Variants in FHIT observed in about 807,000 individuals in gnomAD.
FHIT encodes the protein bis(5'-adenosyl)-triphosphatase.
Under a neutral mutation model 17.9 loss-of-function variants are expected in FHIT, and 19 were observed. The observed-to-expected ratio is 1.06, with a 90% CI of 0.74 to 1.56. The LOEUF (loss-of-function observed/expected upper bound fraction) is 1.56, where lower values mean the gene tolerates loss of function less well. Among genes scored for constraint, FHIT ranks in the 40% most tolerant of loss-of-function variants. The pLI, the probability that FHIT is intolerant of heterozygous loss-of-function variation, is 0.00. For synonymous variants in FHIT, 81 were observed against 69.7 expected (o/e 1.16, Z -0.81); for missense variants, 248 against 189.2 (o/e 1.31, Z -1.82).
Position 61,051,276 on chromosome 3 carries a change from T to A in FHIT, c.-163-9177A>T, listed in dbSNP as rs535082678. Among the ~76,000 whole-genome samples, 11 of 152,104 alleles carry A rather than the reference T, an allele frequency of 7.2e-5. No individual in the cohort carries two copies. The South Asian group carries it at 2.3e-3, about 32-fold the overall frequency. Reference sequence around the variant, plus strand: ...GTTTGTTTGTTTGTTTGTTTGTTTGTTTGTTTGTTTTTGAGACAGGGTCTC... The same window carrying A: ...GTTTGTTTGTTTGTTTGTTTGTTTGATTGTTTGTTTTTGAGACAGGGTCTC... On this transcript the variant is annotated intron_variant, in intron 2 of 9. Transcript: ENST00000492590.
intron 2 of FHIT, among the ~76,000 whole-genome samples, chr3:61,156,294 C>A (rs1031108502): frequency 2.0e-5 from 3 of 152,034 alleles, no homozygotes; most frequent in African/African-American, 7.2e-5. Flanking sequence ...GGTCTTGGAA[C>A]CCCTAACTCA....
chr3:61,208,160 T>C (rs1362579484), intron 1 of FHIT, among the ~76,000 whole-genome samples: 1 of 152,234 alleles, frequency 6.6e-6, no homozygotes, highest in Non-Finnish European at 1.5e-5. Context: ...TCTAGTTTGA[T>C]TGCACTGTGG....
chr3:60,487,808 A>G (rs2033904302), intron 5 of FHIT, among the ~76,000 whole-genome samples: 1 of 152,186 alleles, frequency 6.6e-6, no homozygotes, highest in South Asian at 2.1e-4. Flanking sequence ...TCACCTATTT[A>G]TACAGCAATC....
At chr3:60,748,616 A>G (rs1214875617) in intron 4 of FHIT, among the ~76,000 whole-genome samples, 1 of 152,318 alleles carries the variant, frequency 6.6e-6, no homozygotes, top group African/African-American at 2.4e-5. Context: ...GTTCAAGACC[A>G]GCCTGGCCAA....
intron 2 of FHIT, among the ~76,000 whole-genome samples, chr3:61,131,298 T>C (rs1224436883): frequency 1.3e-5 from 2 of 152,252 alleles, no homozygotes; most frequent in Non-Finnish European, 2.9e-5. Flanking sequence ...TCTTAGCAAC[T>C]ACTAATTTTC....
intron 5 of FHIT, among the ~76,000 whole-genome samples, chr3:60,251,432 T>C (rs1705706063): frequency 1.3e-5 from 2 of 152,158 alleles, no homozygotes; most frequent in South Asian, 4.1e-4. Flanking sequence ...CATCTTCAAT[T>C]GCACAAAAGA....
intron 1 of FHIT, among the ~76,000 whole-genome samples, chr3:61,217,559 C>G (rs1001925320): frequency 6.6e-6 from 1 of 152,170 alleles, no homozygotes; most frequent in Non-Finnish European, 1.5e-5. Context: ...ACCATTTACA[C>G]TGCACTCCAC....
At chr3:60,357,861 T>G (rs535934315) in intron 5 of FHIT, among the ~76,000 whole-genome samples, 5 of 152,200 alleles carry the variant, frequency 3.3e-5, no homozygotes, top group Admixed American at 6.5e-5. Context: ...CAAGAATGGT[T>G]TTAGCATTCC....
At chr3:60,655,493 C>A (rs1245839490) in intron 4 of FHIT, among the ~76,000 whole-genome samples, 3 of 152,084 alleles carry the variant, frequency 2.0e-5, no homozygotes, top group Non-Finnish European at 2.9e-5. Context: ...GAGGAGAGAG[C>A]AAATGCAGTG....
At chr3:60,165,775 G>A (rs1005352063) in intron 5 of FHIT, among the ~76,000 whole-genome samples, 1 of 152,114 alleles carries the variant, frequency 6.6e-6, no homozygotes, top group Non-Finnish European at 1.5e-5. Flanking sequence ...AAAGGACATT[G>A]GTAGAAGCAA....
At chr3:60,487,125 A>T (rs1559485236) in intron 5 of FHIT, among the ~76,000 whole-genome samples, 2 of 152,186 alleles carry the variant, frequency 1.3e-5, no homozygotes, top group Non-Finnish European at 2.9e-5. Context: ...ATCTGCAGAA[A>T]GGTTTGGTGA....
chr3:61,205,540 T>A (rs1271145851), intron 1 of FHIT, among the ~76,000 whole-genome samples: 3 of 152,204 alleles, frequency 2.0e-5, no homozygotes, highest in Non-Finnish European at 4.4e-5. Flanking sequence ...GGTATCTCAT[T>A]GTGGTTTTGA....
chr3:59,748,003 A>G lies in FHIT; in HGVS notation c.*1582T>C, dbSNP rs1700695730. On this transcript the variant is annotated 3_prime_UTR_variant, in exon 10 of 10. Coordinates refer to ENST00000492590, the MANE Select transcript of FHIT (RefSeq NM_002012.4). ...TAATCCTTCTGAATATGCCAAATGG[A>G]GAGTTTCGGTTTGGTGCTAGAATTA... 6.6e-6 allele frequency among the ~76,000 whole-genome samples: 1 copy of G among 152,208 alleles called. No individual in the cohort carries two copies. The highest frequency in any genetic ancestry group is 1.5e-5 in the Non-Finnish European group (1 of 68,000).
intron 5 of FHIT, among the ~76,000 whole-genome samples, chr3:60,058,411 G>A (rs212000): frequency 0.038 from 5,860 of 152,234 alleles, 174 homozygotes; most frequent in South Asian, 0.094. Flanking sequence ...TTACAGGCGT[G>A]AGCCACCGTG....
chr3:60,300,584 A>G (rs963019416), intron 5 of FHIT, among the ~76,000 whole-genome samples: 4 of 152,074 alleles, frequency 2.6e-5, no homozygotes, highest in Non-Finnish European at 5.9e-5. Context: ...GTCGTATAAG[A>G]TGAGATAGGA....
At chr3:61,047,720 G>T (rs1325530136) in intron 2 of FHIT, among the ~76,000 whole-genome samples, 1 of 152,130 alleles carries the variant, frequency 6.6e-6, no homozygotes, top group Non-Finnish European at 1.5e-5. Flanking sequence ...CACGCTACCT[G>T]ACTTCAAACT....
chr3:60,238,705 C>T (rs1226476400), intron 5 of FHIT, among the ~76,000 whole-genome samples: 1 of 152,106 alleles, frequency 6.6e-6, no homozygotes, highest in Non-Finnish European at 1.5e-5. Context: ...TGACAAGGCT[C>T]AGGGAAAGCA....
intron 4 of FHIT, among the ~76,000 whole-genome samples, chr3:60,705,230 T>C (rs1334830723): frequency 6.6e-6 from 1 of 152,016 alleles, no homozygotes; most frequent in Non-Finnish European, 1.5e-5. Context: ...AGTAAATCCA[T>C]AATGGAAGCA....
At chr3:59,750,018 G>C (rs1407854395) in intron 9 of FHIT, 7 of 223,424 alleles carry the variant, frequency 3.1e-5, no homozygotes, top group Non-Finnish European at 6.2e-5. Flanking sequence ...ACACATGTTA[G>C]TTAACTTAAA....
Sources: allele counts gnomAD v4.1 joint callset (sites outside exome capture counted in the v4.1 genomes callset), GRCh38; gene constraint gnomAD v4.1.1; transcripts MANE v1.5; gene names NCBI Gene and HGNC (gene_info 2026-07-23, HGNC 2026-07-21).